EMC8: variants seen among roughly 807,000 people sequenced by gnomAD.
EMC8 encodes the protein COX4 neighbor.
In EMC8, 11 loss-of-function variants were observed where a neutral mutation model predicts 24.3. That is an observed-to-expected ratio of 0.45 (90% CI 0.28 to 0.75). The LOEUF (loss-of-function observed/expected upper bound fraction) is 0.75. Among genes scored for constraint, EMC8 ranks in the 30% least tolerant of loss-of-function variants. The probability of loss-of-function intolerance (pLI) is 0.12; values close to 1 mark genes in which losing one functional copy is unlikely to be tolerated. For missense variants in EMC8, 277 were observed against 282.7 expected (o/e 0.98, Z 0.14); for synonymous variants, 145 against 117.7 (o/e 1.23, Z -1.50).
chr16:85,786,395 T>C lies in EMC8; in HGVS notation c.308+2579A>G, dbSNP rs1192992343. On this transcript the variant is annotated intron_variant, in intron 2 of 4. Coordinates refer to ENST00000253457, the MANE Select transcript of EMC8 (RefSeq NM_006067.5). ...CTTAAGTCAGAAGTTGGCATGATCC[T>C]AGCTCCTGAGCTCCCAAGCTGTGTG... Among the ~76,000 whole-genome samples the C allele has an allele frequency of 2.0e-5, 3 of 152,230 alleles. No homozygotes were observed. The East Asian group carries it at 5.8e-4, about 29-fold the overall frequency.
At chr16:85,798,942 C>T in intron 1 of EMC8, 123 bp downstream of exon 1, 1 of 666,020 alleles carries the variant, frequency 1.5e-6, no homozygotes, top group Admixed American at 2.9e-5. Context: ...TTCCTGGCCA[C>T]GGCAACCCTA....
In EMC8 at chr16:85,783,837, C is replaced by A. The variant is rs187586810; in HGVS notation, c.309-2557G>T. On this transcript the variant is annotated intron_variant, in intron 2 of 4. Transcript: ENST00000253457. ...CCCTCACCACAAAGCCCTGCTAAAC[C>A]CTGGATGAGACCCCCTGCCCTGCTG... 2.0e-3 allele frequency among the ~76,000 whole-genome samples: 308 copies of A among 152,250 alleles called. 1 individual carries two copies. Among genetic ancestry groups the A allele is most frequent in the African/African-American group, 7.2e-3 (299 of 41,550 alleles).
At chr16:85,786,388 A>T (rs1373833471) in intron 2 of EMC8, among the ~76,000 whole-genome samples, 2 of 152,230 alleles carry the variant, frequency 1.3e-5, no homozygotes, top group African/African-American at 4.8e-5. Flanking sequence ...AGAAGTTGGC[A>T]TGATCCTAGC....
intron 1 of EMC8, among the ~76,000 whole-genome samples, chr16:85,794,643 C>T (rs1215172057): frequency 2.6e-5 from 4 of 152,176 alleles, no homozygotes; most frequent in Admixed American, 6.5e-5. Context: ...GAGCCGACAT[C>T]GCTCCACTGC....
chr16:85,784,102 C>T (rs1904638994), intron 2 of EMC8, among the ~76,000 whole-genome samples: 1 of 152,144 alleles, frequency 6.6e-6, no homozygotes, highest in Non-Finnish European at 1.5e-5. Flanking sequence ...GGGTTCACGC[C>T]ATTCTCCTGC....
At chr16:85,784,774 A>G (rs576197671) in intron 2 of EMC8, 2 of 152,214 alleles carry the variant, frequency 1.3e-5, no homozygotes, top group African/African-American at 4.8e-5. Flanking sequence ...TTTGCTGAGG[A>G]ACTTGGAAAG....
At chr16:85,797,915 G>A (rs572146090) in intron 1 of EMC8, among the ~76,000 whole-genome samples, 1 of 152,196 alleles carries the variant, frequency 6.6e-6, no homozygotes, top group African/African-American at 2.4e-5. Context: ...ACAACTCGAT[G>A]GAATTTATAG....
intron 2 of EMC8, 45 bp downstream of exon 2, chr16:85,788,929 C>CA (rs1904878695): frequency 2.2e-6 from 3 of 1,392,554 alleles, no homozygotes; most frequent in Non-Finnish European, 2.0e-6. Flanking sequence ...GTCTGCCCAA[C>CA]ACGTGCTCAC....
intron 1 of EMC8, among the ~76,000 whole-genome samples, chr16:85,798,440 T>G (rs149294473): frequency 1.3e-5 from 2 of 152,218 alleles, no homozygotes; most frequent in African/African-American, 4.8e-5. Context: ...ATTCTTTAGC[T>G]TTTAAAAGCC....
Position 85,778,680 on chromosome 16 carries a change from G to A in EMC8, c.*1028C>T, listed in dbSNP as rs1043816186. 2.0e-5 allele frequency: 3 copies of A among 152,202 alleles called. No individual in the cohort carries two copies. The highest frequency in any genetic ancestry group is 1.9e-4 in the East Asian group (1 of 5,204). The allele number at this position is 152,202 out of a possible 1,614,324, so 9.4% of individuals were successfully genotyped here. A position where few individuals can be genotyped will look rare whatever the true frequency, so the allele number is the denominator to read the frequency against. On this transcript the variant is annotated 3_prime_UTR_variant, in exon 5 of 5. Transcript: ENST00000253457. ...AGCGATGTCTGAACTTTTTTCCTAT[G>A]TGTTAAGAGAAAATAGTGACCGCTG...
intron 2 of EMC8, among the ~76,000 whole-genome samples, chr16:85,782,313 T>TCTGGCC (rs1365654831): frequency 1.3e-5 from 2 of 152,362 alleles, no homozygotes; most frequent in East Asian, 3.9e-4. Flanking sequence ...CACTGCTGGC[T>TCTGGCC]CTGGCCCTGC....
intron 2 of EMC8, among the ~76,000 whole-genome samples, chr16:85,788,208 G>T (rs1024295551): frequency 6.6e-6 from 1 of 152,256 alleles, no homozygotes; most frequent in African/African-American, 2.4e-5. Flanking sequence ...TCCCCTAATG[G>T]GAGGCCACGT....
intron 2 of EMC8, among the ~76,000 whole-genome samples, chr16:85,783,874 A>T (rs1904627394): frequency 6.6e-6 from 1 of 152,054 alleles, no homozygotes; most frequent in Admixed American, 6.5e-5. Context: ...AGTTCTGAGG[A>T]TTTATTTCTA....
At chr16:85,782,472 C>G (rs1904554029) in intron 2 of EMC8, among the ~76,000 whole-genome samples, 1 of 152,160 alleles carries the variant, frequency 6.6e-6, no homozygotes, top group Admixed American at 6.5e-5. Flanking sequence ...CCTCGGGGGC[C>G]TTATTTATAT....
chr16:85,780,564 C>G, intron 3 of EMC8, 91 bp from the exon 4 acceptor site: 1 of 854,792 alleles, frequency 1.2e-6, no homozygotes, highest in East Asian at 2.6e-5. Context: ...TGCAGCCGTG[C>G]CCACGCTGGC....
intron 4 of EMC8, chr16:85,780,174 G>A: frequency 5.0e-6 from 3 of 605,806 alleles, no homozygotes; most frequent in Non-Finnish European, 8.8e-6. Context: ...TAGCGCCTGG[G>A]GTGGGAAGAC....
At chr16:85,788,784 T>C (rs1009831345) in intron 2 of EMC8, 190 bp downstream of exon 2, 10 of 602,050 alleles carry the variant, frequency 1.7e-5, no homozygotes, top group Admixed American at 1.2e-4. Context: ...CCAAAGTTAA[T>C]AGAAATGTTT....
At chr16:85,796,874 T>A (rs113138598) in intron 1 of EMC8, among the ~76,000 whole-genome samples, 4 of 152,260 alleles carry the variant, frequency 2.6e-5, no homozygotes, top group African/African-American at 9.6e-5. Flanking sequence ...TTTACTAAGC[T>A]CCGCCTGTGA....
chr16:85,780,817 G>C (rs1378245642), intron 3 of EMC8: 1 of 448,410 alleles, frequency 2.2e-6, no homozygotes, highest in African/African-American at 2.0e-5. Flanking sequence ...CCTAGAGGCT[G>C]TGCTGGCTGT....
Sources: gnomAD v4.1 joint callset for allele counts (sites outside exome capture counted in the v4.1 genomes callset) on GRCh38, gnomAD v4.1.1 for gene constraint, MANE v1.5 for transcripts, NCBI Gene and HGNC (gene_info 2026-07-23, HGNC 2026-07-21) for gene names.